The following PCA3 variants were observed in gnomAD, a reference collection of about 807,000 sequenced individuals.
The protein encoded by PCA3 is Differential Display code 3.
At chr9:76,786,652 CT>C (rs1295173646) in intron 2 of PCA3, 5 of 152,338 alleles carry the variant, frequency 3.3e-5, no homozygotes, top group African/African-American at 1.2e-4. Context: ...ACTCTCAAGT[CT>C]TTTCTTCCAT....
chr9:76,777,661 A>T (rs908660646), intron 2 of PCA3, among the ~76,000 whole-genome samples: 2 of 152,240 alleles, frequency 1.3e-5, no homozygotes, highest in Non-Finnish European at 2.9e-5. Flanking sequence ...TGCTGGTGAA[A>T]CACAATACAT....
intron 2 of PCA3, among the ~76,000 whole-genome samples, chr9:76,780,912 C>A (rs1165807970): frequency 6.6e-6 from 1 of 152,134 alleles, no homozygotes; most frequent in Admixed American, 6.5e-5. Flanking sequence ...AACCCTCATC[C>A]CCGTGTGTTT....
chr9:76,765,599 T>C (rs971156782), intron 2 of PCA3, among the ~76,000 whole-genome samples: 1 of 152,150 alleles, frequency 6.6e-6, no homozygotes, highest in Non-Finnish European at 1.5e-5. Context: ...GAGTAAACTA[T>C]CTATCCATCC....
intron 2 of PCA3, chr9:76,785,737 GT>G: frequency 6.6e-6 from 1 of 151,906 alleles, no homozygotes; most frequent in East Asian, 1.9e-4. Context: ...AGAGCTCTGT[GT>G]GTGTGTGTGT....
chr9:76,772,576 T>A (rs1268878795), intron 2 of PCA3, among the ~76,000 whole-genome samples: 2 of 152,174 alleles, frequency 1.3e-5, no homozygotes, highest in African/African-American at 4.8e-5. Flanking sequence ...TTTCTTTCTT[T>A]TTTTTAGAGA....
intron 2 of PCA3, among the ~76,000 whole-genome samples, chr9:76,780,951 C>T (rs2054321162): frequency 6.6e-6 from 1 of 152,116 alleles, no homozygotes; most frequent in Non-Finnish European, 1.5e-5. Flanking sequence ...CTAGGACATC[C>T]ACCAAGTTTT....
At chr9:76,783,053 G>A (rs2131252796) in intron 2 of PCA3, among the ~76,000 whole-genome samples, 2 of 152,276 alleles carry the variant, frequency 1.3e-5, no homozygotes, top group South Asian at 4.2e-4. Flanking sequence ...CCACATAGTA[G>A]GTATTGTGGT....
intron 2 of PCA3, among the ~76,000 whole-genome samples, chr9:76,765,925 A>G (rs2052319092): frequency 6.6e-6 from 1 of 152,170 alleles, no homozygotes; most frequent in South Asian, 2.1e-4. Flanking sequence ...GCTCACGCCT[A>G]TAATCCCAGT....
chr9:76,774,869 A>G (rs2053569724), intron 2 of PCA3, among the ~76,000 whole-genome samples: 1 of 152,220 alleles, frequency 6.6e-6, no homozygotes, highest in Non-Finnish European at 1.5e-5. Context: ...TTAGAGACAG[A>G]AAAACATGAG....
At chr9:76,777,788 T>G (rs769856157) in intron 2 of PCA3, among the ~76,000 whole-genome samples, 6 of 152,210 alleles carry the variant, frequency 3.9e-5, no homozygotes, top group Non-Finnish European at 7.3e-5. Context: ...TTATATAAGA[T>G]GGTCAGGGAA....
intron 2 of PCA3, chr9:76,784,871 T>C (rs2054808434): frequency 6.6e-6 from 1 of 152,322 alleles, no homozygotes; most frequent in South Asian, 2.1e-4. Flanking sequence ...TTGTGCCCAT[T>C]CTCAAGACCT....
At chr9:76,776,789 A>G (rs2053817452) in intron 2 of PCA3, among the ~76,000 whole-genome samples, 1 of 151,520 alleles carries the variant, frequency 6.6e-6, no homozygotes, top group South Asian at 2.1e-4. Flanking sequence ...TGCTGGGATT[A>G]AAAGTTATGA....
At chr9:76,767,918 T>C (rs1401566262) in intron 2 of PCA3, among the ~76,000 whole-genome samples, 2 of 152,234 alleles carry the variant, frequency 1.3e-5, no homozygotes, top group Non-Finnish European at 1.5e-5. Flanking sequence ...TTCCTCACTT[T>C]GGGTGTAAAA....
At chr9:76,780,466 T>G (rs984115771) in intron 2 of PCA3, among the ~76,000 whole-genome samples, 45 of 151,970 alleles carry the variant, frequency 3.0e-4, no homozygotes, top group African/African-American at 1.0e-3. Context: ...GGCGGGCGGA[T>G]CACGAGGCCA....
At chr9:76,775,470 T>G (rs557672454) in intron 2 of PCA3, among the ~76,000 whole-genome samples, 53 of 134,750 alleles carry the variant, frequency 3.9e-4, no homozygotes, top group African/African-American at 1.4e-3. Flanking sequence ...CTAATTTTTG[T>G]GGTTTTTTTT....
intron 2 of PCA3, chr9:76,783,775 A>G (rs1462852761): frequency 6.6e-6 from 1 of 152,164 alleles, no homozygotes; most frequent in Non-Finnish European, 1.5e-5. Flanking sequence ...GATAATTAAC[A>G]TCACTAGAAA....
At chr9:76,770,054 C>T (rs2052919585) in intron 2 of PCA3, among the ~76,000 whole-genome samples, 1 of 152,074 alleles carries the variant, frequency 6.6e-6, no homozygotes, top group African/African-American at 2.4e-5. Flanking sequence ...AGATATCCTC[C>T]CAGAATATCA....
chr9:76,771,426 C>A (rs1199098398), intron 2 of PCA3, among the ~76,000 whole-genome samples: 1 of 152,158 alleles, frequency 6.6e-6, no homozygotes, highest in Non-Finnish European at 1.5e-5. Flanking sequence ...GCTGGGCACT[C>A]TTCTAGAAGA....
intron 2 of PCA3, among the ~76,000 whole-genome samples, chr9:76,766,763 T>C (rs2052439189): frequency 1.4e-5 from 1 of 69,082 alleles, no homozygotes; most frequent in South Asian, 6.3e-4. Context: ...AATCCCCAGA[T>C]TTTTTCATGT....
Sources: gnomAD v4.1 joint callset for allele counts (sites outside exome capture counted in the v4.1 genomes callset) on GRCh38, gnomAD v4.1.1 for gene constraint, MANE v1.5 for transcripts, NCBI Gene and HGNC (gene_info 2026-07-23, HGNC 2026-07-21) for gene names.